ANKH: variants seen among roughly 807,000 people sequenced by gnomAD.
ANKH encodes mineralization regulator ANKH.
A neutral mutation model predicts 49.0 loss-of-function variants in ANKH; 15 were observed. That is an observed-to-expected ratio of 0.31 (90% CI 0.20 to 0.47). ANKH has a LOEUF of 0.47. ANKH is among the 20% of genes least tolerant of loss of function. ANKH has a pLI of 1.00. For missense variants in ANKH, 429 were observed against 652.0 expected (o/e 0.66, Z 3.72); for synonymous variants, 273 against 260.0 (o/e 1.05, Z -0.48).
chr5:14,829,061 G>A (rs1466928400), intron 1 of ANKH, among the ~76,000 whole-genome samples: 2 of 151,942 alleles, frequency 1.3e-5, no homozygotes, highest in East Asian at 1.9e-4. Context: ...GTGGGCACCT[G>A]TAATCCCAGC....
chr5:14,793,761 C>T (rs150617672), intron 1 of ANKH, among the ~76,000 whole-genome samples: 3 of 152,294 alleles, frequency 2.0e-5, no homozygotes, highest in African/African-American at 7.2e-5. Context: ...GCTGTGTGGC[C>T]TTGCGGGGGC....
chr5:14,711,288 G>T lies in ANKH; in HGVS notation c.1388C>A (p.Ser463Ter), dbSNP rs780551916. Residue 463 changes from serine (S) to a stop codon, truncating the protein, a stop_gained, in exon 12 of 12, where the codon TCG (serine) becomes TAG (stop). Coordinates refer to ENST00000284268, the MANE Select transcript of ANKH (RefSeq NM_054027.6). LOFTEE classifies it high-confidence loss of function. ...RKQKKKMENE[S>*]ATEGEDSAMT... Reference sequence around the variant, plus strand: ...GGCAGAGTCTTCCCCCTCCGTGGCCGACTCATTCTCCATCTTCTTTTTCTA... The same window carrying T: ...GGCAGAGTCTTCCCCCTCCGTGGCCTACTCATTCTCCATCTTCTTTTTCTA... 1 of 1,614,054 alleles carries T rather than the reference G, an allele frequency of 6.2e-7. No homozygotes were observed. Among genetic ancestry groups the T allele is most frequent in the African/African-American group, 1.3e-5 (1 of 75,008 alleles).
rs527486657 is a variant in ANKH, at chr5:14,721,584, C to T, written c.1012-4749G>A. Among the ~76,000 whole-genome samples the T allele has an allele frequency of 3.5e-4, 54 of 152,244 alleles. 1 individual carries two copies. The South Asian group carries it at 9.5e-3, about 27-fold the overall frequency. ...TTTTTCAACGAGTGGATATTTCTTG[C>T]GTATATAACTTAGGTATACATATAA... is the stretch of plus-strand genomic sequence containing the variant. On this transcript the variant is annotated intron_variant, in intron 8 of 11. Transcript: ENST00000284268.
chr5:14,714,309 C>T (rs1202368049), intron 9 of ANKH, among the ~76,000 whole-genome samples: 2 of 152,332 alleles, frequency 1.3e-5, no homozygotes, highest in South Asian at 2.1e-4. Flanking sequence ...GATCTCTGAG[C>T]TGCAGGAGGG....
chr5:14,853,727 C>T (rs112310897), intron 1 of ANKH, among the ~76,000 whole-genome samples: 2 of 151,530 alleles, frequency 1.3e-5, no homozygotes, highest in African/African-American at 4.9e-5. Context: ...TGCAGTGGCG[C>T]GATAGAAAGG....
chr5:14,796,227 C>T (rs796069907), intron 1 of ANKH, among the ~76,000 whole-genome samples: 3 of 150,448 alleles, frequency 2.0e-5, no homozygotes, highest in African/African-American at 7.3e-5. Context: ...CACAGTTAGT[C>T]ATGGAGAGTA....
At chr5:14,756,743 A>G (rs1414268734) in intron 3 of ANKH, among the ~76,000 whole-genome samples, 1 of 152,106 alleles carries the variant, frequency 6.6e-6, no homozygotes, top group Non-Finnish European at 1.5e-5. Context: ...GCTGGCTTTA[A>G]ATATTCTCTC....
intron 5 of ANKH, among the ~76,000 whole-genome samples, chr5:14,750,581 T>C (rs1374453860): frequency 6.6e-6 from 1 of 152,176 alleles, no homozygotes; most frequent in Non-Finnish European, 1.5e-5. Context: ...CTTAAAATAT[T>C]CTGTGTTGCC....
At chr5:14,825,537 G>A (rs1395344509) in intron 1 of ANKH, among the ~76,000 whole-genome samples, 1 of 152,002 alleles carries the variant, frequency 6.6e-6, no homozygotes, top group East Asian at 1.9e-4. Flanking sequence ...TTTTTTTGTA[G>A]AGACAGGATC....
chr5:14,795,373 T>C (rs1740340274), intron 1 of ANKH, among the ~76,000 whole-genome samples: 1 of 152,192 alleles, frequency 6.6e-6, no homozygotes, highest in South Asian at 2.1e-4. Flanking sequence ...CAGCTTTTAT[T>C]CTGAACTAGA....
At chr5:14,868,702 C>T (rs1413987131) in intron 1 of ANKH, 1 of 149,828 alleles carries the variant, frequency 6.7e-6, no homozygotes, top group Non-Finnish European at 1.5e-5. Flanking sequence ...AGCTATAGCA[C>T]CTGGCCTTTT....
intron 1 of ANKH, among the ~76,000 whole-genome samples, chr5:14,776,277 C>T (rs145963964): frequency 2.0e-4 from 31 of 152,260 alleles, no homozygotes; most frequent in African/African-American, 7.5e-4. Flanking sequence ...TTGGCAGCCT[C>T]ATGTTGGATT....
chr5:14,711,202 C>T lies in ANKH; in HGVS notation c.1474G>A (p.Glu492Lys), dbSNP rs754736964. 5.6e-6 allele frequency: 9 copies of T among 1,613,922 alleles called. No homozygotes were observed. In the East Asian group the frequency reaches 1.6e-4, roughly 28 times the overall value. ...TDIVEMREEN[E>K] ...TGCCCATGGCGTCCCGTGCCTTATT[C>T]ATTCTCCTCTCTCATTTCCACGATG... is the stretch of plus-strand genomic sequence containing the variant. Residue 492 changes from glutamate (E) to lysine (K), a missense_variant, in exon 12 of 12, where the codon GAA (glutamate) becomes AAA (lysine). Physicochemically the swap from Glu to Lys is moderately conservative, Grantham distance 56. Around this residue, in one of 2 missense-constraint regions of ANKH, gnomAD observed 51 missense variants for 36.7 expected, o/e 1.39. Coordinates refer to ENST00000284268, the MANE Select transcript of ANKH (RefSeq NM_054027.6).
intron 4 of ANKH, 147 bp from the exon 5 acceptor site, chr5:14,751,386 C>A (rs888555356): frequency 1.3e-5 from 10 of 755,900 alleles, no homozygotes; most frequent in African/African-American, 8.6e-5. Flanking sequence ...TGGATGATGA[C>A]CCAATGTCGC....
At chr5:14,714,021 C>CT (rs917595008) in intron 9 of ANKH, among the ~76,000 whole-genome samples, 6 of 152,266 alleles carry the variant, frequency 3.9e-5, no homozygotes, top group African/African-American at 1.4e-4. Flanking sequence ...GAAGAGAACA[C>CT]TCAGAGAAAA....
chr5:14,740,813 G>A (rs905047699), intron 8 of ANKH, among the ~76,000 whole-genome samples: 5 of 152,156 alleles, frequency 3.3e-5, no homozygotes, highest in Non-Finnish European at 5.9e-5. Flanking sequence ...CTGTGCTCCC[G>A]TTATTGGCAT....
chr5:14,851,199 A>C (rs1383454671), intron 1 of ANKH, among the ~76,000 whole-genome samples: 1 of 152,158 alleles, frequency 6.6e-6, no homozygotes, highest in Non-Finnish European at 1.5e-5. Flanking sequence ...CCCAGAGAAA[A>C]GGAAGGCTGG....
At chr5:14,864,565 G>T (rs1354536054) in intron 1 of ANKH, among the ~76,000 whole-genome samples, 1 of 152,174 alleles carries the variant, frequency 6.6e-6, no homozygotes, top group Non-Finnish European at 1.5e-5. Context: ...TGTAAGAAAG[G>T]CATGACCTCA....
intron 1 of ANKH, among the ~76,000 whole-genome samples, chr5:14,792,437 A>G (rs886559312): frequency 5.9e-5 from 9 of 152,184 alleles, no homozygotes; most frequent in Admixed American, 2.0e-4. Context: ...GGTGAAAGCC[A>G]ACATTTATTT....
Sources: gnomAD v4.1 joint callset for allele counts (sites outside exome capture counted in the v4.1 genomes callset) on GRCh38, gnomAD v4.1.1 for gene constraint, gnomAD v4.1.1 regional missense constraint, MANE v1.5 for transcripts, NCBI Gene and HGNC (gene_info 2026-07-23, HGNC 2026-07-21) for gene names.